PTCD3: variants seen among roughly 807,000 people sequenced by gnomAD.
PTCD3 encodes the protein pentatricopeptide repeat domain 3, also known as small ribosomal subunit protein mS39.
A neutral mutation model predicts 101.9 loss-of-function variants in PTCD3; 89 were observed. That is an observed-to-expected ratio of 0.87 (90% CI 0.74 to 1.04). The LOEUF (loss-of-function observed/expected upper bound fraction) is 1.04, where lower values mean the gene tolerates loss of function less well. Among genes scored for constraint, PTCD3 ranks in the 50% least tolerant of loss-of-function variants. The pLI is 0.00. For missense variants in PTCD3, 870 were observed against 828.2 expected, an observed-to-expected ratio of 1.05 and a Z score of -0.62; for synonymous variants, 296 against 278.5, an observed-to-expected ratio of 1.06 and a Z score of -0.63.
chr2:86,132,286 C>A, intron 16 of PTCD3, 32 bp from the exon 17 acceptor site: 1 of 1,336,906 alleles, frequency 7.5e-7, no homozygotes, highest in Non-Finnish European at 1.1e-6. Flanking sequence ...GACAGGGTAT[C>A]AGAGTGATAC....
At chr2:86,130,902 A>G (rs1674484208) in intron 15 of PTCD3, 165 bp downstream of exon 15, 6 of 1,453,356 alleles carry the variant, frequency 4.1e-6, no homozygotes, top group Admixed American at 2.9e-5. Flanking sequence ...AATATTTGCC[A>G]TGGTCTTTCT....
At position 86,139,657 on chromosome 2, in the gene PTCD3, G is replaced by C. The variant is rs1674650173; in HGVS notation, c.*2098G>C. ...TCCCTACAAAAGATTTTAATAATTAGTTGGGCGTAGTGGTGCATGCCTGTA... is the reference window on the plus strand; with the variant it reads ...TCCCTACAAAAGATTTTAATAATTACTTGGGCGTAGTGGTGCATGCCTGTA... On this transcript the variant is annotated 3_prime_UTR_variant, in exon 24 of 24. Coordinates refer to ENST00000254630, the MANE Select transcript of PTCD3 (RefSeq NM_017952.6). The C allele has an allele frequency of 6.6e-6, 1 of 152,306 alleles. No homozygotes were observed. The highest frequency in any genetic ancestry group is 3.4e-3 in the Middle Eastern group (1 of 294). The allele number at this position is 152,306 out of a possible 1,614,324, so 9.4% of individuals were successfully genotyped here.
chr2:86,108,436 T>C, intron 2 of PTCD3, 34 bp downstream of exon 2: 1 of 1,593,568 alleles, frequency 6.3e-7, no homozygotes, highest in East Asian at 2.2e-5. Flanking sequence ...TCTATTTTTA[T>C]ATCAACACGT....
intron 17 of PTCD3, chr2:86,132,940 C>T: frequency 1.9e-6 from 1 of 515,698 alleles, no homozygotes; most frequent in South Asian, 3.6e-5. Context: ...ATCTATTCAC[C>T]ATGACCTAAG....
chr2:86,130,530 A>G (rs900480818), intron 14 of PTCD3, 118 bp from the exon 15 acceptor site: 45 of 1,463,880 alleles, frequency 3.1e-5, no homozygotes, highest in Non-Finnish European at 3.8e-5. Context: ...ACCCAGATCT[A>G]TGCGAGGACT....
At chr2:86,110,233 G>A (rs993576275) in intron 3 of PTCD3, among the ~76,000 whole-genome samples, 6 of 152,300 alleles carry the variant, frequency 3.9e-5, no homozygotes, top group South Asian at 2.1e-4. Context: ...AGAATGTGTC[G>A]TTATCACACT....
chr2:86,130,803 G>A (rs577428290), intron 15 of PTCD3, 66 bp downstream of exon 15: 1 of 1,581,296 alleles, frequency 6.3e-7, no homozygotes, highest in South Asian at 1.2e-5. Flanking sequence ...CTGAGTACCA[G>A]TTAGAGGCCT....
In PTCD3 at chr2:86,138,105, A is replaced by C. The variant is rs1674626308; in HGVS notation, c.*546A>C. 1 of 154,606 alleles carries C rather than the reference A, an allele frequency of 6.5e-6. No individual in the cohort carries two copies. Among genetic ancestry groups the C allele is most frequent in the Admixed American group, 6.3e-5 (1 of 15,882 alleles). The allele number at this position is 154,606 out of a possible 1,614,324, so 9.6% of individuals were successfully genotyped here. A position where few individuals can be genotyped will look rare whatever the true frequency, so the allele number is the denominator to read the frequency against. On this transcript the variant is annotated 3_prime_UTR_variant, in exon 24 of 24. Transcript: ENST00000254630. ...GGCAGTTTAGGCTGCACAACTGGTA[A>C]AATGACTGTAGATAAATGTTGTAAT... is the stretch of plus-strand genomic sequence containing the variant.
chr2:86,130,899 G>T (rs575078866), intron 15 of PTCD3, 162 bp downstream of exon 15: 3 of 1,447,026 alleles, frequency 2.1e-6, no homozygotes, highest in Admixed American at 3.0e-5. Flanking sequence ...AGTAATATTT[G>T]CCATGGTCTT....
chr2:86,112,705 T>A (rs964440212), intron 4 of PTCD3, among the ~76,000 whole-genome samples: 4 of 144,318 alleles, frequency 2.8e-5, no homozygotes, highest in Admixed American at 2.7e-4. Context: ...AAAAAAAAAA[T>A]TTAAAATAAA....
intron 7 of PTCD3, 121 bp from the exon 8 acceptor site, chr2:86,121,355 GACA>G: frequency 1.8e-6 from 1 of 558,362 alleles, no homozygotes; most frequent in Non-Finnish European, 3.1e-6. Context: ...TAAAGTAGTG[GACA>G]ACATTAAGTG....
Position 86,125,347 on chromosome 2 carries a change from G to A in PTCD3, c.805-108G>A, listed in dbSNP as rs1033314538. The A allele has an allele frequency of 1.2e-5, 15 of 1,236,510 alleles. No homozygotes were observed. In the African/African-American group the frequency reaches 2.1e-4, roughly 17 times the overall value. The allele number at this position is 1,236,510 out of a possible 1,614,324, so 76.6% of individuals were successfully genotyped here. Reference sequence around the variant, plus strand: ...CTAGAGTATGAGCTTCATGAGAACAGGAGCCTGATCTATTGAGCCTGAGCT... The same window carrying A: ...CTAGAGTATGAGCTTCATGAGAACAAGAGCCTGATCTATTGAGCCTGAGCT... On this transcript the variant is annotated intron_variant, in intron 10 of 23. Transcript: ENST00000254630.
In PTCD3 at chr2:86,106,276, T is replaced by G; in HGVS notation, c.29T>G (p.Leu10Arg). The G allele has an allele frequency of 6.2e-7, 1 of 1,613,862 alleles. No homozygotes were observed. The highest frequency in any genetic ancestry group is 8.5e-7 in the Non-Finnish European group (1 of 1,179,972). Reference sequence around the variant, plus strand: ...GCGGTTGTATCTGCTGTTCGCTGGCTGGGCCTCCGCAGCAGGCTTGGCCAG... The same window carrying G: ...GCGGTTGTATCTGCTGTTCGCTGGCGGGGCCTCCGCAGCAGGCTTGGCCAG... MAVVSAVRW[L>R]GLRSRLGQPL... The change falls in exon 1 of 24, where the codon CTG (leucine) becomes CGG (arginine). Residue 10 changes from leucine to arginine, a missense_variant. Transcript: ENST00000254630.
At chr2:86,106,477 C>G in intron 1 of PTCD3, 126 bp downstream of exon 1, 2 of 888,994 alleles carry the variant, frequency 2.2e-6, no homozygotes, top group Non-Finnish European at 3.5e-6. Context: ...CGGTCGCGTG[C>G]CCTTAAGACC....
At chr2:86,111,593 AAAAAAAATTGTCT>A (rs1289097434) in intron 4 of PTCD3, among the ~76,000 whole-genome samples, 3 of 152,098 alleles carry the variant, frequency 2.0e-5, no homozygotes, top group Non-Finnish European at 4.4e-5. Flanking sequence ...GTCTCAAAAA[AAAAAAAATTGTCT>A]AATCCAGCTG....
intron 16 of PTCD3, 97 bp downstream of exon 16, chr2:86,131,203 T>G (rs1418376066): frequency 1.1e-6 from 1 of 904,506 alleles, no homozygotes; most frequent in Non-Finnish European, 1.6e-6. Context: ...AACTCTTCTG[T>G]TCATGTCTTT....
chr2:86,132,249 T>G, intron 16 of PTCD3, 69 bp from the exon 17 acceptor site: 1 of 901,628 alleles, frequency 1.1e-6, no homozygotes, highest in Non-Finnish European at 1.8e-6. Flanking sequence ...CACTCTACTG[T>G]TGTTATTTAT....
intron 7 of PTCD3, chr2:86,119,321 G>T: frequency 5.0e-6 from 2 of 399,454 alleles, no homozygotes. Context: ...TTAATGTTAG[G>T]TAGGTATGCA....
In PTCD3 at chr2:86,140,227, C is replaced by CAAAAAAAAAAAAAAAAAAAA. The variant is rs34710000; in HGVS notation, c.*2687_*2688insAAAAAAAAAAAAAAAAAAAA. Reference sequence around the variant, plus strand: ...GACTCCCCTTTCAGCAACCTCAAAGCAAAAAAAAAAAAAAAAAAACCAGTT... The same window carrying CAAAAAAAAAAAAAAAAAAAA: ...GACTCCCCTTTCAGCAACCTCAAAGCAAAAAAAAAAAAAAAAAAAAAAAAAAAAAAAAAAAAAAACCAGTT... On this transcript the variant is annotated 3_prime_UTR_variant, in exon 24 of 24. Transcript: ENST00000254630. 1 of 103,764 alleles carries CAAAAAAAAAAAAAAAAAAAA rather than the reference C, an allele frequency of 9.6e-6. No individual in the cohort carries two copies. The highest frequency in any genetic ancestry group is 2.1e-5 in the Non-Finnish European group (1 of 48,626). 6.4% of individuals were successfully genotyped at this position (103,764 alleles called of 1,614,324 possible). A position where few individuals can be genotyped will look rare whatever the true frequency, so the allele number is the denominator to read the frequency against.
Sources: gnomAD v4.1 joint callset for allele counts (sites outside exome capture counted in the v4.1 genomes callset) on GRCh38, gnomAD v4.1.1 for gene constraint, MANE v1.5 for transcripts, NCBI Gene and HGNC (gene_info 2026-07-23, HGNC 2026-07-21) for gene names.